C10orf143: variants seen among roughly 807,000 people sequenced by gnomAD.
The protein encoded by C10orf143 is uncharacterized protein C10orf143.
At chr10:130,080,948 GA>G (rs1267516820) in intron 1 of C10orf143, among the ~76,000 whole-genome samples, 1 of 152,112 alleles carries the variant, frequency 6.6e-6, no homozygotes, top group South Asian at 2.1e-4. Context: ...AACTGATGCT[GA>G]AAAAACTGAG....
At chr10:130,098,784 T>C (rs1199877272) in intron 1 of C10orf143, among the ~76,000 whole-genome samples, 2 of 152,090 alleles carry the variant, frequency 1.3e-5, no homozygotes, top group Non-Finnish European at 1.5e-5. Flanking sequence ...TAAAGAAACC[T>C]GCCAAAAATC....
intron 3 of C10orf143, among the ~76,000 whole-genome samples, chr10:130,046,357 C>T (rs1472692777): frequency 6.6e-6 from 1 of 152,052 alleles, no homozygotes; most frequent in African/African-American, 2.4e-5. Flanking sequence ...CCCAGCGCCT[C>T]CCCCGGGACC....
Position 130,056,011 on chromosome 10 carries a change from A to G in C10orf143, c.298-20041T>C, listed in dbSNP as rs11017067. 0.15 allele frequency among the ~76,000 whole-genome samples: 21,899 copies of G among 148,340 alleles called. 1,747 individuals carry two copies. Among genetic ancestry groups the G allele is most frequent in the Middle Eastern group, 0.21 (60 of 286 alleles). On this transcript the variant is annotated intron_variant and NMD_transcript_variant, in intron 3 of 5. Transcript: ENST00000643056. The surrounding 1 kb of genome is among the most constrained non-coding windows in gnomAD (Gnocchi z 4.6). ...AAAGAAAAATGGGCCTTATCAGAAGAGTGATGAAATAGATCATTTTAACTG... is the reference window on the plus strand; with the variant it reads ...AAAGAAAAATGGGCCTTATCAGAAGGGTGATGAAATAGATCATTTTAACTG...
downstream of C10orf143, among the ~76,000 whole-genome samples, chr10:130,059,069 C>T (rs1860826361): frequency 1.3e-5 from 2 of 152,252 alleles, no homozygotes; most frequent in African/African-American, 2.4e-5. Flanking sequence ...GTTAGAATAA[C>T]TGGTTAATAT....
downstream of C10orf143, among the ~76,000 whole-genome samples, chr10:130,063,669 C>A (rs1359751641): frequency 6.6e-6 from 1 of 152,188 alleles, no homozygotes; most frequent in Non-Finnish European, 1.5e-5. Context: ...GGAGCACATT[C>A]CCTGCAGATA....
At chr10:130,077,203 T>A (rs1225750774) in intron 3 of C10orf143, among the ~76,000 whole-genome samples, 1 of 151,816 alleles carries the variant, frequency 6.6e-6, no homozygotes, top group Non-Finnish European at 1.5e-5. Flanking sequence ...GAAAATGAGG[T>A]TGAAGAGGTC....
At chr10:130,079,012 A>T (rs1861163392) in intron 3 of C10orf143, among the ~76,000 whole-genome samples, 1 of 152,242 alleles carries the variant, frequency 6.6e-6, no homozygotes, top group Non-Finnish European at 1.5e-5. Flanking sequence ...CAAAATTAAT[A>T]ACAAAGGTAT....
intron 3 of C10orf143, among the ~76,000 whole-genome samples, chr10:130,041,110 C>T (rs1009188945): frequency 1.3e-5 from 2 of 152,210 alleles, no homozygotes; most frequent in African/African-American, 2.4e-5. Context: ...GGGTTGAATC[C>T]GTTCTACTTC....
rs895930433 is a variant in C10orf143, at chr10:130,107,715, C to T, written c.69+2989G>A. On this transcript the variant is annotated intron_variant, in intron 1 of 3. Transcript: ENST00000637128. The stretch of plus-strand genomic sequence containing the variant: ...CCTCCAGGGGGGGAAGGAAGAGGCT[C>T]AAGAGGCCCAGGGAATCCTCTGGAC... 3.6e-5 allele frequency: 45 copies of T among 1,248,230 alleles called. 1 individual carries two copies. Among genetic ancestry groups the T allele is most frequent in the South Asian group, 7.2e-5 (6 of 83,692 alleles). The allele number at this position is 1,248,230 out of a possible 1,614,324, so 77.3% of individuals were successfully genotyped here.
intron 1 of C10orf143, among the ~76,000 whole-genome samples, chr10:130,101,807 C>T (rs184221100): frequency 2.3e-4 from 28 of 121,362 alleles, no homozygotes; most frequent in Non-Finnish European, 3.8e-4. Flanking sequence ...TTGCAGTGAG[C>T]TCTCTGCAAC....
intron 1 of C10orf143, among the ~76,000 whole-genome samples, chr10:130,092,460 A>G (rs1258519063): frequency 6.6e-6 from 1 of 152,228 alleles, no homozygotes; most frequent in Non-Finnish European, 1.5e-5. Flanking sequence ...CACTGCAAAA[A>G]CATACCAAAT....
intron 1 of C10orf143, among the ~76,000 whole-genome samples, chr10:130,083,961 A>G (rs1861249083): frequency 6.6e-6 from 1 of 152,170 alleles, no homozygotes; most frequent in African/African-American, 2.4e-5. Flanking sequence ...ACCTAACTAC[A>G]TTACAAATAA....
At chr10:130,110,179 A>G (rs1590041506) in intron 1 of C10orf143, among the ~76,000 whole-genome samples, 1 of 151,692 alleles carries the variant, frequency 6.6e-6, no homozygotes, top group East Asian at 1.9e-4. Flanking sequence ...ATCTCATCTT[A>G]CCCTCTGCTC....
chr10:130,108,935 C>G (rs1326728346), intron 1 of C10orf143, among the ~76,000 whole-genome samples: 1 of 152,222 alleles, frequency 6.6e-6, no homozygotes, highest in Non-Finnish European at 1.5e-5. Context: ...CATGGCCTAA[C>G]AGGAGCTCTT....
At chr10:130,055,148 A>G (rs566777709) in intron 3 of C10orf143, among the ~76,000 whole-genome samples, 1 of 151,898 alleles carries the variant, frequency 6.6e-6, no homozygotes, top group African/African-American at 2.4e-5. Flanking sequence ...ACAAACAGAA[A>G]ACAAAAAACT....
intron 3 of C10orf143, among the ~76,000 whole-genome samples, chr10:130,077,800 TAGA>T (rs1282227493): frequency 6.6e-6 from 1 of 152,218 alleles, no homozygotes; most frequent in African/African-American, 2.4e-5. Context: ...GCCATATTAT[TAGA>T]AGAAGAAGAT....
At chr10:130,091,845 A>C (rs1861387669) in intron 1 of C10orf143, among the ~76,000 whole-genome samples, 1 of 152,250 alleles carries the variant, frequency 6.6e-6, no homozygotes. Flanking sequence ...AATGAAATAA[A>C]GCATGAAGAT....
At chr10:130,057,119 T>C (rs1394393320) in intron 3 of C10orf143, among the ~76,000 whole-genome samples, 1 of 150,586 alleles carries the variant, frequency 6.6e-6, no homozygotes, top group Admixed American at 6.6e-5. Flanking sequence ...CTTGAACTCC[T>C]GGGTTCATAT....
chr10:130,044,895 G>A (rs545006519), intron 3 of C10orf143, among the ~76,000 whole-genome samples: 4 of 152,306 alleles, frequency 2.6e-5, no homozygotes, highest in Admixed American at 6.5e-5. Flanking sequence ...CCAGCCCTGC[G>A]CATAGGTGTG....
Sources: gnomAD v4.1 joint callset for allele counts (sites outside exome capture counted in the v4.1 genomes callset) on GRCh38, gnomAD v4.1.1 for gene constraint, Gnocchi (gnomAD v3.1) non-coding constraint, MANE v1.5 for transcripts, NCBI Gene and HGNC (gene_info 2026-07-23, HGNC 2026-07-21) for gene names.